Variants in CENPF observed in about 807,000 individuals in gnomAD.
CENPF encodes the protein AH antigen.
Under a neutral mutation model 307.3 loss-of-function variants are expected in CENPF, and 214 were observed. The observed-to-expected ratio is 0.70, with a 90% CI of 0.62 to 0.78. CENPF has a LOEUF of 0.78. CENPF is among the 30% of genes least tolerant of loss of function. The probability of loss-of-function intolerance (pLI) is 0.00; values close to 1 mark genes in which losing one functional copy is unlikely to be tolerated. For missense variants in CENPF, 3,401 were observed against 3,483.9 expected, an observed-to-expected ratio of 0.98 and a Z score of 0.60; for synonymous variants, 1,259 against 1,270.6, an observed-to-expected ratio of 0.99 and a Z score of 0.19.
At chr1:214,610,479 A>ATT (rs200567669) in intron 1 of CENPF, among the ~76,000 whole-genome samples, 2 of 130,502 alleles carry the variant, frequency 1.5e-5, no homozygotes, top group African/African-American at 2.7e-5. Flanking sequence ...AGCCACATGT[A>ATT]TTTTTTTTTT....
chr1:214,652,584 T>C (rs1456795246), intron 15 of CENPF, among the ~76,000 whole-genome samples: 4 of 150,216 alleles, frequency 2.7e-5, no homozygotes, highest in Non-Finnish European at 4.4e-5. Context: ...GCTGGGATTA[T>C]AGGCGCCTGC....
intron 5 of CENPF, among the ~76,000 whole-genome samples, chr1:214,619,839 T>C (rs778070107): frequency 5.9e-5 from 9 of 152,202 alleles, no homozygotes; most frequent in Non-Finnish European, 8.8e-5. Context: ...CATTTTGATG[T>C]CATTAGGATT....
rs1278783017 is a variant in CENPF at position 214,630,633 on chromosome 1, C to T, written c.1294C>T (p.His432Tyr). 6 of 1,614,052 alleles carry T rather than the reference C, an allele frequency of 3.7e-6. No homozygotes were observed. Among genetic ancestry groups the T allele is most frequent in the Non-Finnish European group, 4.2e-6 (5 of 1,180,012 alleles). The change falls in exon 9 of 20, where the codon CAC (histidine) becomes TAC (tyrosine). Residue 432 changes from histidine to tyrosine, a missense_variant. By Grantham distance (83) the His-to-Tyr change is moderately conservative (BLOSUM62 2). Coordinates refer to ENST00000366955, the MANE Select transcript of CENPF (RefSeq NM_016343.4). Reference sequence around the variant, plus strand: ...GGAGTTACAGCAAGCCAAGAATATGCACAACGTCCTGCAGGCTGAACTGGA... The same window carrying T: ...GGAGTTACAGCAAGCCAAGAATATGTACAACGTCCTGCAGGCTGAACTGGA... ...TQELQQAKNMHNVLQAELDKL... is the reference protein window; with the variant it reads ...TQELQQAKNMYNVLQAELDKL...
intron 14 of CENPF, among the ~76,000 whole-genome samples, chr1:214,650,620 G>A (rs1658435982): frequency 6.6e-6 from 1 of 152,194 alleles, no homozygotes; most frequent in African/African-American, 2.4e-5. Flanking sequence ...AGGAGGGAGT[G>A]GCTGGATATA....
At chr1:214,660,510 C>G (rs1658762282) in intron 19 of CENPF, among the ~76,000 whole-genome samples, 1 of 152,162 alleles carries the variant, frequency 6.6e-6, no homozygotes, top group Non-Finnish European at 1.5e-5. Context: ...AACTAGTGCC[C>G]CTAAACCGTG....
rs147284443 is a variant in CENPF at position 214,637,511 on chromosome 1, G to A, written c.1447-355G>A. Among the ~76,000 whole-genome samples the A allele has an allele frequency of 3.8e-3, 584 of 151,880 alleles. 2 individuals are homozygous for A. Among genetic ancestry groups the A allele is most frequent in the Middle Eastern group, 6.8e-3 (2 of 294 alleles). The stretch of plus-strand genomic sequence containing the variant: ...ATTAACAAATCAAATGTTTGCAAAG[G>A]TATATTTGGCCATTCAGGTGTGATA... On this transcript the variant is annotated intron_variant, in intron 10 of 19. Transcript: ENST00000366955.
At chr1:214,612,209 G>A (rs1657218789) in intron 1 of CENPF, among the ~76,000 whole-genome samples, 1 of 152,096 alleles carries the variant, frequency 6.6e-6, no homozygotes, top group Admixed American at 6.5e-5. Context: ...TTTAATGAAA[G>A]CTTTTCTGCA....
intron 7 of CENPF, among the ~76,000 whole-genome samples, 186 bp downstream of exon 7, chr1:214,622,467 G>A (rs1657534394): frequency 6.6e-6 from 1 of 152,208 alleles, no homozygotes; most frequent in Non-Finnish European, 1.5e-5. Context: ...CAAGCCTGGT[G>A]CCGTACTTTC....
Position 214,622,210 on chromosome 1 carries a change from G to T in CENPF, c.997G>T (p.Glu333Ter). The T allele has an allele frequency of 2.5e-6, 4 of 1,614,066 alleles. No homozygotes were observed. The highest frequency in any genetic ancestry group is 1.1e-5 in the South Asian group (1 of 91,082). The change falls in exon 7 of 20, where the codon GAG (glutamate) becomes TAG (stop). Residue 333 changes from glutamate to a stop codon, truncating the protein, a stop_gained. Coordinates refer to ENST00000366955, the MANE Select transcript of CENPF (RefSeq NM_016343.4). LOFTEE classifies it high-confidence loss of function. ...AGCAAAAGTGGAATTAATTGAAAAA[G>T]AGAAAGTTTTGAACAAATGTAGGGA... ...EKAKVELIEK[E>*]KVLNKCRDEL...
At chr1:214,604,671 C>T (rs963156482) in intron 1 of CENPF, among the ~76,000 whole-genome samples, 1 of 152,096 alleles carries the variant, frequency 6.6e-6, no homozygotes, top group Non-Finnish European at 1.5e-5. Context: ...AGGGCAATTA[C>T]AGTTGTGTGT....
In CENPF at chr1:214,648,766, G is replaced by T; in HGVS notation, c.7922G>T (p.Gly2641Val). ...KTAELQEELS[G>V]EKNRLAGELQ... ...GCAGAGCTGCAAGAAGAACTCAGTGGAGAGAAAAATAGGCTAGCTGGAGAG... is the reference window on the plus strand; with the variant it reads ...GCAGAGCTGCAAGAAGAACTCAGTGTAGAGAAAAATAGGCTAGCTGGAGAG... Residue 2641 changes from glycine (G) to valine (V), a missense_variant, in exon 14 of 20, where the codon GGA becomes GTA. Gly to Val is a moderately radical substitution (Grantham distance 109). Transcript: ENST00000366955. 1 of 1,614,054 alleles carries T rather than the reference G, an allele frequency of 6.2e-7. No homozygotes were observed. The highest frequency in any genetic ancestry group is 1.3e-5 in the African/African-American group (1 of 75,054).
chr1:214,641,734 C>T lies in CENPF; in HGVS notation c.3396C>T (p.Ile1132=). 1 of 1,578,476 alleles carries T rather than the reference C, an allele frequency of 6.3e-7. No individual in the cohort carries two copies. Among genetic ancestry groups the T allele is most frequent in the South Asian group, 1.2e-5 (1 of 84,296 alleles). The part of the protein sequence containing the change: ...KSEAGGLKQE[I]MTLKEEQNKM... ...AGGCTGGTGGTTTAAAGCAAGAAATCATGACTTTAAAGGAAGAACAAAACA... is the reference window on the plus strand; with the variant it reads ...AGGCTGGTGGTTTAAAGCAAGAAATTATGACTTTAAAGGAAGAACAAAACA... Residue 1132 remains isoleucine, a synonymous_variant, in exon 12 of 20, where the codon ATC becomes ATT. Coordinates refer to ENST00000366955, the MANE Select transcript of CENPF (RefSeq NM_016343.4).
chr1:214,612,636 T>C (rs959890291), intron 1 of CENPF, among the ~76,000 whole-genome samples: 1 of 152,210 alleles, frequency 6.6e-6, no homozygotes, highest in Non-Finnish European at 1.5e-5. Flanking sequence ...ATATGTCTTT[T>C]CACAGTTGAG....
At chr1:214,632,437 A>G (rs778253305) in intron 9 of CENPF, 43 bp from the exon 10 acceptor site, 2 of 1,592,100 alleles carry the variant, frequency 1.3e-6, no homozygotes, top group South Asian at 1.1e-5. Flanking sequence ...ATGAAAAAGT[A>G]AAGAACATGA....
In CENPF at chr1:214,646,199, C is replaced by G; in HGVS notation, c.6629C>G (p.Ser2210Cys). The G allele has an allele frequency of 1.2e-6, 2 of 1,613,138 alleles. No homozygotes were observed. The highest frequency in any genetic ancestry group is 1.7e-6 in the Non-Finnish European group (2 of 1,179,854). Reference protein sequence around the residue: ...VFELDLVTLRSEKENLTKQIQ... With the variant: ...VFELDLVTLRCEKENLTKQIQ... ...GAATTAGACCTTGTCACGTTAAGGT[C>G]TGAAAAAGAAAATCTGACAAAACAA... is the stretch of plus-strand genomic sequence containing the variant. Residue 2210 changes from serine to cysteine, a missense_variant, in exon 13 of 20, where the codon TCT becomes TGT. Physicochemically the swap from Ser to Cys is moderately radical, Grantham distance 112 (BLOSUM62 -1). Transcript: ENST00000366955.
chr1:214,606,950 G>T (rs1657050460), intron 1 of CENPF, among the ~76,000 whole-genome samples: 1 of 152,250 alleles, frequency 6.6e-6, no homozygotes, highest in South Asian at 2.1e-4. Context: ...AGGAGCATGG[G>T]CAGGTGTGCG....
intron 7 of CENPF, among the ~76,000 whole-genome samples, chr1:214,627,977 T>C (rs1005287580): frequency 3.4e-4 from 52 of 152,202 alleles, no homozygotes; most frequent in Non-Finnish European, 8.8e-5. Flanking sequence ...AGTTGTGAGA[T>C]ACAAGGCTTG....
chr1:214,606,003 G>T, intron 1 of CENPF: 7 of 1,596,908 alleles, frequency 4.4e-6, no homozygotes, highest in Non-Finnish European at 5.9e-6. Context: ...CACTCGTAGC[G>T]CGAGGCCAGG....
In CENPF at chr1:214,648,729, G is replaced by A. The variant is rs1658378301; in HGVS notation, c.7885G>A (p.Ala2629Thr). 2 of 1,614,028 alleles carry A rather than the reference G, an allele frequency of 1.2e-6. No individual in the cohort carries two copies. The highest frequency in any genetic ancestry group is 1.7e-6 in the Non-Finnish European group (2 of 1,179,934). ...GCTGCAGAGGGAAATGCATGAGATG[G>A]CACAGAAAACAGCAGAGCTGCAAGA... Reference protein sequence around the residue: ...TELQREMHEMAQKTAELQEEL... With the variant: ...TELQREMHEMTQKTAELQEEL... Residue 2629 changes from alanine (A) to threonine (T), a missense_variant, in exon 14 of 20, where the codon GCA (alanine) becomes ACA (threonine). Ala to Thr is a moderately conservative substitution (Grantham distance 58). Transcript: ENST00000366955.
Sources: allele counts gnomAD v4.1 joint callset (sites outside exome capture counted in the v4.1 genomes callset), GRCh38; gene constraint gnomAD v4.1.1; transcripts MANE v1.5; gene names NCBI Gene and HGNC (gene_info 2026-07-23, HGNC 2026-07-21).